The following SEMA6D variants were observed in gnomAD, a reference collection of about 807,000 sequenced individuals.
SEMA6D encodes semaphorin 6D.
SEMA6D carries 35 observed loss-of-function variants against 106.6 expected under a neutral mutation model. The observed-to-expected ratio is 0.33, with a 90% CI of 0.25 to 0.44. The LOEUF (loss-of-function observed/expected upper bound fraction) is 0.44. SEMA6D is among the 20% of genes least tolerant of loss of function. The pLI, the probability that SEMA6D is intolerant of heterozygous loss-of-function variation, is 1.00. For missense variants in SEMA6D, 1,185 were observed against 1,345.9 expected, an observed-to-expected ratio of 0.88 and a Z score of 1.87; for synonymous variants, 499 against 487.7, an observed-to-expected ratio of 1.02 and a Z score of -0.31.
intron 1 of SEMA6D, among the ~76,000 whole-genome samples, chr15:47,296,997 T>A (rs1424459060): frequency 1.3e-5 from 2 of 152,082 alleles, no homozygotes; most frequent in African/African-American, 2.4e-5. Context: ...CGCAAAACAG[T>A]TCTCAAGCCC....
intron 3 of SEMA6D, among the ~76,000 whole-genome samples, chr15:47,494,791 A>AG (rs2043597690): frequency 1.8e-5 from 1 of 56,948 alleles, no homozygotes; most frequent in Admixed American, 2.0e-4. Flanking sequence ...TATATATATA[A>AG]TCTCCAGATA....
intron 1 of SEMA6D, among the ~76,000 whole-genome samples, chr15:47,332,985 G>A (rs1205832671): frequency 6.6e-6 from 1 of 152,138 alleles, no homozygotes; most frequent in African/African-American, 2.4e-5. Context: ...GAAAGTCACA[G>A]CTCAACAGAA....
At chr15:47,710,332 GA>G (rs1192950565) in intron 4 of SEMA6D, among the ~76,000 whole-genome samples, 6 of 152,152 alleles carry the variant, frequency 3.9e-5, no homozygotes, top group African/African-American at 1.4e-4. Context: ...ACTGTCTTCA[GA>G]AAACAAATTT....
intron 1 of SEMA6D, among the ~76,000 whole-genome samples, chr15:47,739,046 A>G (rs143678428): frequency 6.6e-6 from 1 of 152,290 alleles, no homozygotes; most frequent in African/African-American, 2.4e-5. Context: ...TGTCCAAGAA[A>G]TAGGAAGTGG....
intron 1 of SEMA6D, among the ~76,000 whole-genome samples, chr15:47,746,560 C>T (rs2081143306): frequency 6.6e-6 from 1 of 152,176 alleles, no homozygotes; most frequent in African/African-American, 2.4e-5. Context: ...GTGGTTGCAT[C>T]AGACAAGTCA....
intron 4 of SEMA6D, among the ~76,000 whole-genome samples, chr15:47,668,182 T>C (rs188515001): frequency 1.5e-3 from 234 of 152,278 alleles, no homozygotes; most frequent in African/African-American, 5.5e-3. Context: ...CTGACTTTAT[T>C]TCCTCTTTCA....
At chr15:47,281,640 T>G (rs939622862) in intron 1 of SEMA6D, among the ~76,000 whole-genome samples, 3 of 152,216 alleles carry the variant, frequency 2.0e-5, no homozygotes, top group African/African-American at 7.2e-5. Context: ...TCTTTACATT[T>G]TGGCATGATT....
intron 2 of SEMA6D, among the ~76,000 whole-genome samples, chr15:47,421,942 C>T (rs1012289539): frequency 5.9e-5 from 9 of 152,036 alleles, no homozygotes; most frequent in South Asian, 2.1e-4. Context: ...ATTGTCTCCA[C>T]GTAATTATAG....
intron 1 of SEMA6D, among the ~76,000 whole-genome samples, chr15:47,219,839 T>C (rs1238117396): frequency 1.3e-5 from 2 of 152,210 alleles, no homozygotes; most frequent in Non-Finnish European, 2.9e-5. Context: ...GCTAGACTTC[T>C]TTATGAATTC....
intron 1 of SEMA6D, among the ~76,000 whole-genome samples, chr15:47,323,016 A>C (rs1395924465): frequency 3.9e-5 from 6 of 152,120 alleles, no homozygotes; most frequent in African/African-American, 1.4e-4. Flanking sequence ...CTATCCATCT[A>C]CCTGTCTTGT....
At chr15:47,749,078 T>C (rs1297739337) in intron 1 of SEMA6D, among the ~76,000 whole-genome samples, 1 of 111,890 alleles carries the variant, frequency 8.9e-6, no homozygotes, top group East Asian at 3.5e-4. Context: ...ATCTTTTTTT[T>C]TCTTTTTTTT....
intron 3 of SEMA6D, among the ~76,000 whole-genome samples, chr15:47,486,509 CACCCATTTTCATT>C (rs1460908803): frequency 6.6e-6 from 1 of 152,228 alleles, no homozygotes; most frequent in Non-Finnish European, 1.5e-5. Context: ...AACACCCTCT[CACCCATTTTCATT>C]ATGAGCTCAA....
chr15:47,277,897 A>C (rs1461708237), intron 1 of SEMA6D, among the ~76,000 whole-genome samples: 1 of 151,170 alleles, frequency 6.6e-6, no homozygotes, highest in African/African-American at 2.4e-5. Context: ...TTTACTGAGA[A>C]TGATGATTTC....
intron 3 of SEMA6D, among the ~76,000 whole-genome samples, chr15:47,508,171 T>A (rs1255642046): frequency 1.3e-5 from 2 of 152,196 alleles, no homozygotes; most frequent in Non-Finnish European, 2.9e-5. Flanking sequence ...GGTTTAAACC[T>A]CAGGCTACGG....
intron 1 of SEMA6D, among the ~76,000 whole-genome samples, chr15:47,364,334 ATT>A (rs2038928179): frequency 6.6e-6 from 1 of 152,178 alleles, no homozygotes; most frequent in South Asian, 2.1e-4. Context: ...GCTGGATTAT[ATT>A]ATCGCAGCTT....
chr15:47,625,412 C>T (rs73390987), intron 4 of SEMA6D, among the ~76,000 whole-genome samples: 1 of 152,066 alleles, frequency 6.6e-6, no homozygotes, highest in Non-Finnish European at 1.5e-5. Flanking sequence ...TTTTTATGTT[C>T]CATCTTTATC....
chr15:47,345,363 A>G (rs1040999848), intron 1 of SEMA6D, among the ~76,000 whole-genome samples: 12 of 152,210 alleles, frequency 7.9e-5, no homozygotes, highest in African/African-American at 2.9e-4. Flanking sequence ...GAGTAAAAAG[A>G]TCAATGGAAC....
At chr15:47,479,025 G>A (rs1350549755) in intron 3 of SEMA6D, among the ~76,000 whole-genome samples, 2 of 151,950 alleles carry the variant, frequency 1.3e-5, no homozygotes, top group African/African-American at 4.8e-5. Context: ...CCTCCAACCT[G>A]GTCCCTCCAA....
intron 3 of SEMA6D, among the ~76,000 whole-genome samples, chr15:47,535,497 A>G (rs1347992269): frequency 6.6e-6 from 1 of 152,072 alleles, no homozygotes; most frequent in Non-Finnish European, 1.5e-5. Flanking sequence ...GGATCTAGAT[A>G]TTTCTTGATT....
Sources: gnomAD v4.1 joint callset for allele counts (sites outside exome capture counted in the v4.1 genomes callset) on GRCh38, gnomAD v4.1.1 for gene constraint, MANE v1.5 for transcripts, NCBI Gene and HGNC (gene_info 2026-07-23, HGNC 2026-07-21) for gene names.